Variants in UBE2H observed in about 807,000 individuals in gnomAD.
UBE2H encodes the protein ubiquitin conjugating enzyme E2 H.
In UBE2H, 3 loss-of-function variants were observed where a neutral mutation model predicts 29.0. The observed-to-expected ratio is 0.10, with a 90% confidence interval of 0.05 to 0.27. The LOEUF (loss-of-function observed/expected upper bound fraction) is 0.27. Ranked by LOEUF, UBE2H falls within the 10% of genes least tolerant of loss-of-function variation. The pLI is 1.00. For synonymous variants in UBE2H, 69 were observed against 82.9 expected (o/e 0.83, Z 0.91); for missense variants, 68 against 228.2 (o/e 0.30, Z 4.52).
intron 3 of UBE2H, among the ~76,000 whole-genome samples, chr7:129,860,301 C>G (rs1430943008): frequency 6.6e-6 from 1 of 152,088 alleles, no homozygotes; most frequent in Admixed American, 6.5e-5. Flanking sequence ...CTACTACAAT[C>G]AAGAGGGCCT....
chr7:129,862,884 A>G (rs1490631415), intron 3 of UBE2H, among the ~76,000 whole-genome samples: 1 of 152,206 alleles, frequency 6.6e-6, no homozygotes, highest in Non-Finnish European at 1.5e-5. Flanking sequence ...CTTGTGTCCT[A>G]AAATAGGCTA....
At chr7:129,943,051 C>T (rs1196221018) in intron 1 of UBE2H, among the ~76,000 whole-genome samples, 4 of 152,120 alleles carry the variant, frequency 2.6e-5, no homozygotes, top group African/African-American at 9.7e-5. Context: ...CCATGTTGGC[C>T]AGGTTGGTCT....
At chr7:129,892,848 A>T (rs373927244) in intron 1 of UBE2H, among the ~76,000 whole-genome samples, 8 of 129,992 alleles carry the variant, frequency 6.2e-5, no homozygotes, top group African/African-American at 1.3e-4. Context: ...CTTTATGTTT[A>T]AAAAAAAAAG....
Position 129,895,330 on chromosome 7 carries a change from T to C in UBE2H, c.54-14359A>G, listed in dbSNP as rs1478041102. On this transcript the variant is annotated intron_variant, in intron 1 of 6. Transcript: ENST00000355621. The stretch of plus-strand genomic sequence containing the variant: ...TAAGGGTGGAGGGGAGACGAAACCA[T>C]TGCGCACATGAGAAAAACATGCAGG... Among the ~76,000 whole-genome samples, 22 of 152,142 alleles carry C rather than the reference T, an allele frequency of 1.4e-4. No homozygotes were observed. The East Asian group carries it at 3.7e-3, about 25-fold the overall frequency.
chr7:129,881,958 A>C (rs1395094099), intron 1 of UBE2H, among the ~76,000 whole-genome samples: 5 of 152,148 alleles, frequency 3.3e-5, no homozygotes, highest in South Asian at 2.1e-4. Context: ...CAAAACAAAA[A>C]AAAATTTTTT....
Position 129,851,247 on chromosome 7 carries a change from G to A in UBE2H, c.298+6264C>T, listed in dbSNP as rs3807116. Among the ~76,000 whole-genome samples, 13 of 152,226 alleles carry A rather than the reference G, an allele frequency of 8.5e-5. No homozygotes were observed. In the East Asian group the frequency reaches 1.9e-3, roughly 23 times the overall value. On this transcript the variant is annotated intron_variant, in intron 5 of 6. Coordinates refer to ENST00000355621, the MANE Select transcript of UBE2H (RefSeq NM_003344.4). ...CATTGTCAATCTCAAAACAATTCTC[G>A]TCTATTTGGGTGTTTTTTAGAGGTA...
rs573837661 is a variant in UBE2H, at chr7:129,895,683, G to A, written c.54-14712C>T. Reference sequence around the variant, plus strand: ...TGGGAGGTCAAGGCGGGTGGATCACGAGGTCAGGAGATCGAGACCATCCTG... The same window carrying A: ...TGGGAGGTCAAGGCGGGTGGATCACAAGGTCAGGAGATCGAGACCATCCTG... On this transcript the variant is annotated intron_variant, in intron 1 of 6. Transcript: ENST00000355621. Among the ~76,000 whole-genome samples the A allele has an allele frequency of 6.6e-5, 10 of 152,112 alleles. No homozygotes were observed. The South Asian group carries it at 1.0e-3, about 16-fold the overall frequency.
intron 1 of UBE2H, among the ~76,000 whole-genome samples, chr7:129,939,035 G>A (rs1390791616): frequency 2.0e-5 from 3 of 152,148 alleles, no homozygotes; most frequent in Admixed American, 6.6e-5. Context: ...CTGACCTCAG[G>A]TGATCTATCC....
intron 3 of UBE2H, among the ~76,000 whole-genome samples, chr7:129,863,295 T>C (rs1805835647): frequency 6.6e-6 from 1 of 152,198 alleles, no homozygotes; most frequent in East Asian, 1.9e-4. Flanking sequence ...ATCTGAGCAC[T>C]AGTACAGAGG....
At position 129,845,661 on chromosome 7, in the gene UBE2H, T is replaced by C. The variant is rs187460294; in HGVS notation, c.299-6326A>G. Among the ~76,000 whole-genome samples, 5 of 152,318 alleles carry C rather than the reference T, an allele frequency of 3.3e-5. No homozygotes were observed. The East Asian group carries it at 9.7e-4, about 29-fold the overall frequency. ...ATCATCACCTAACACAATGTGGACATCTGGCAGAGAAAATTCCATTAGGCT... is the reference window on the plus strand; with the variant it reads ...ATCATCACCTAACACAATGTGGACACCTGGCAGAGAAAATTCCATTAGGCT... On this transcript the variant is annotated intron_variant, in intron 5 of 6. Transcript: ENST00000355621.
chr7:129,898,797 G>C (rs904333248), intron 1 of UBE2H, among the ~76,000 whole-genome samples: 1 of 145,316 alleles, frequency 6.9e-6, no homozygotes, highest in African/African-American at 2.5e-5. Context: ...ATCAGATCAA[G>C]TGTTGAGTTG....
intron 5 of UBE2H, among the ~76,000 whole-genome samples, chr7:129,845,143 T>C (rs539156592): frequency 1.3e-5 from 2 of 152,248 alleles, no homozygotes; most frequent in Non-Finnish European, 2.9e-5. Context: ...AAACAACTTA[T>C]CATCAAAAGT....
At chr7:129,940,117 C>G (rs764781224) in intron 1 of UBE2H, among the ~76,000 whole-genome samples, 8 of 152,116 alleles carry the variant, frequency 5.3e-5, no homozygotes, top group Admixed American at 1.3e-4. Flanking sequence ...CACTCTGTAT[C>G]TAGTTTTCTA....
chr7:129,862,550 T>C (rs967763843), intron 3 of UBE2H, among the ~76,000 whole-genome samples: 1 of 152,054 alleles, frequency 6.6e-6, no homozygotes, highest in Admixed American at 6.5e-5. Flanking sequence ...TTAAATGAGA[T>C]GGTCAGGAAG....
chr7:129,949,421 GTT>G (rs143376058), intron 1 of UBE2H, among the ~76,000 whole-genome samples: 4 of 151,994 alleles, frequency 2.6e-5, no homozygotes, highest in Non-Finnish European at 5.9e-5. Flanking sequence ...TAACTGCAAG[GTT>G]TTTTTACTGG....
chr7:129,868,453 G>A (rs970528577), intron 3 of UBE2H, among the ~76,000 whole-genome samples: 1 of 150,170 alleles, frequency 6.7e-6, no homozygotes, highest in African/African-American at 2.5e-5. Flanking sequence ...GGTGGCGGGC[G>A]CCTGTAGTCC....
rs117280350 is a variant in UBE2H, at chr7:129,935,021, A to G, written c.53+17482T>C. ...TGTGTATATGTGTGTGTGTGTGTGT[A>G]TATATATATATGCACCACAAAATAG... On this transcript the variant is annotated intron_variant, in intron 1 of 6. Coordinates refer to ENST00000355621, the MANE Select transcript of UBE2H (RefSeq NM_003344.4). 2.6e-3 allele frequency among the ~76,000 whole-genome samples: 392 copies of G among 149,978 alleles called. 4 individuals are homozygous for G. In the East Asian group the frequency reaches 0.049, roughly 19 times the overall value.
chr7:129,886,604 T>A (rs1806364096), intron 1 of UBE2H, among the ~76,000 whole-genome samples: 1 of 151,934 alleles, frequency 6.6e-6, no homozygotes, highest in African/African-American at 2.4e-5. Flanking sequence ...TGGAAGGGAA[T>A]GAGGTCCTGG....
intron 1 of UBE2H, among the ~76,000 whole-genome samples, chr7:129,918,210 C>A (rs1210763582): frequency 6.6e-6 from 1 of 152,154 alleles, no homozygotes; most frequent in Non-Finnish European, 1.5e-5. Context: ...TATATACATG[C>A]ACGCACATAC....
Sources: allele counts gnomAD v4.1 joint callset (sites outside exome capture counted in the v4.1 genomes callset), GRCh38; gene constraint gnomAD v4.1.1; transcripts MANE v1.5; gene names NCBI Gene and HGNC (gene_info 2026-07-23, HGNC 2026-07-21).